The following SSBP2 variants were observed in gnomAD, a reference collection of about 807,000 sequenced individuals.
SSBP2 encodes single-stranded DNA-binding protein 2.
Under a neutral mutation model 61.8 loss-of-function variants are expected in SSBP2, and 17 were observed. The observed-to-expected ratio is 0.28, with a 90% CI of 0.19 to 0.41. The LOEUF (loss-of-function observed/expected upper bound fraction) is 0.41. SSBP2 is among the 10% of genes least tolerant of loss of function. The pLI is 1.00. For missense variants in SSBP2, 310 were observed against 458.7 expected (o/e 0.68, Z 2.96); for synonymous variants, 139 against 141.3 (o/e 0.98, Z 0.12).
At chr5:81,447,871 G>C (rs942427350) in intron 11 of SSBP2, 1 of 152,042 alleles carries the variant, frequency 6.6e-6, no homozygotes, top group African/African-American at 2.4e-5. Context: ...TTATTTCATA[G>C]AAAATGCAAA....
At chr5:81,545,473 A>C (rs1387412370) in intron 4 of SSBP2, among the ~76,000 whole-genome samples, 3 of 152,236 alleles carry the variant, frequency 2.0e-5, no homozygotes, top group African/African-American at 7.2e-5. Flanking sequence ...AGCAATAAAA[A>C]TAATTAGTTG....
chr5:81,597,320 A>C (rs1182739712), intron 4 of SSBP2, among the ~76,000 whole-genome samples: 8 of 152,220 alleles, frequency 5.3e-5, no homozygotes, highest in Admixed American at 2.0e-4. Flanking sequence ...ATACCATCTC[A>C]CACCAGTTAG....
chr5:81,503,264 C>A (rs529977707), intron 5 of SSBP2, among the ~76,000 whole-genome samples: 2 of 152,174 alleles, frequency 1.3e-5, no homozygotes, highest in East Asian at 3.9e-4. Flanking sequence ...ACCAACCTGG[C>A]CAACACAGTG....
At position 81,505,393 on chromosome 5, in the gene SSBP2, GTCTT is replaced by G. The variant is rs1474824060; in HGVS notation, c.372+8231_372+8234del. ...TAAGTTATTCTTTTAAAAAGCTAAA[GTCTT>G]TCTAATATATGCTTAAGACAAATCT... On this transcript the variant is annotated intron_variant, in intron 5 of 16. Coordinates refer to ENST00000320672, the MANE Select transcript of SSBP2 (RefSeq NM_012446.5). 3.3e-5 allele frequency among the ~76,000 whole-genome samples: 5 copies of G among 152,200 alleles called. No individual in the cohort carries two copies. The South Asian group carries it at 1.0e-3, about 32-fold the overall frequency.
intron 4 of SSBP2, among the ~76,000 whole-genome samples, chr5:81,576,196 T>C (rs1203734525): frequency 6.6e-6 from 1 of 152,052 alleles, no homozygotes; most frequent in East Asian, 1.9e-4. Context: ...TTCTTTTTTT[T>C]TTTTTGTCAT....
chr5:81,582,374 T>C (rs1412723452), intron 4 of SSBP2, among the ~76,000 whole-genome samples: 1 of 152,164 alleles, frequency 6.6e-6, no homozygotes, highest in Non-Finnish European at 1.5e-5. Context: ...TTCTCATAAA[T>C]TCACAAAAAG....
At chr5:81,604,269 T>C (rs1581147108) in intron 4 of SSBP2, among the ~76,000 whole-genome samples, 4 of 151,262 alleles carry the variant, frequency 2.6e-5, no homozygotes, top group South Asian at 2.1e-4. Flanking sequence ...TTTTTTTTTT[T>C]CTACAGTAGT....
chr5:81,564,311 G>C (rs1180088125), intron 4 of SSBP2, among the ~76,000 whole-genome samples: 2 of 152,156 alleles, frequency 1.3e-5, no homozygotes, highest in Non-Finnish European at 2.9e-5. Flanking sequence ...AAGGAAGGAG[G>C]AAGAACATGT....
intron 1 of SSBP2, among the ~76,000 whole-genome samples, chr5:81,711,546 T>C (rs912660553): frequency 6.6e-6 from 1 of 152,036 alleles, no homozygotes; most frequent in African/African-American, 2.4e-5. Flanking sequence ...GGGAAAGAAG[T>C]TGAGCCTTTT....
At chr5:81,583,666 T>C (rs1488597211) in intron 4 of SSBP2, among the ~76,000 whole-genome samples, 1 of 151,268 alleles carries the variant, frequency 6.6e-6, no homozygotes, top group Admixed American at 6.6e-5. Context: ...TTGAGACACA[T>C]TTCCCATCAG....
intron 10 of SSBP2, among the ~76,000 whole-genome samples, chr5:81,453,543 G>A (rs538728669): frequency 1.4e-5 from 2 of 145,676 alleles, no homozygotes; most frequent in East Asian, 2.0e-4. Context: ...TGCAGGCTCC[G>A]CCCCCCGGGT....
chr5:81,466,907 T>C (rs1212852316), intron 9 of SSBP2, 67 bp downstream of exon 9: 5 of 945,254 alleles, frequency 5.3e-6, no homozygotes, highest in South Asian at 2.2e-5. Context: ...TAGAATAATA[T>C]GGTATTATTT....
chr5:81,587,761 G>A (rs199779597), intron 4 of SSBP2, among the ~76,000 whole-genome samples: 229 of 129,468 alleles, frequency 1.8e-3, no homozygotes, highest in African/African-American at 5.1e-3. Flanking sequence ...ACACACGCGC[G>A]CGCACACACA....
At chr5:81,655,743 T>C (rs1750154796) in intron 1 of SSBP2, among the ~76,000 whole-genome samples, 1 of 152,186 alleles carries the variant, frequency 6.6e-6, no homozygotes, top group Admixed American at 6.5e-5. Context: ...GATACTAGAC[T>C]CACTGTCCCT....
chr5:81,603,242 G>C (rs1402946427), intron 4 of SSBP2, among the ~76,000 whole-genome samples: 1 of 152,200 alleles, frequency 6.6e-6, no homozygotes, highest in Non-Finnish European at 1.5e-5. Context: ...TCTCCACTCA[G>C]GTGGCTAGTG....
chr5:81,497,505 T>C (rs924167321), intron 5 of SSBP2, among the ~76,000 whole-genome samples: 2 of 152,160 alleles, frequency 1.3e-5, no homozygotes, highest in Non-Finnish European at 2.9e-5. Flanking sequence ...TTTGTCTTGT[T>C]AAAAATAGGC....
chr5:81,704,744 C>T (rs1022684375), intron 1 of SSBP2, among the ~76,000 whole-genome samples: 2 of 134,064 alleles, frequency 1.5e-5, no homozygotes, highest in East Asian at 2.3e-4. Context: ...TGCAGTGAGC[C>T]GAGATCACAC....
intron 3 of SSBP2, among the ~76,000 whole-genome samples, chr5:81,635,287 T>C (rs559220982): frequency 6.6e-6 from 1 of 152,302 alleles, no homozygotes; most frequent in Non-Finnish European, 1.5e-5. Context: ...CTATTTCTCA[T>C]GAATATGCTT....
intron 4 of SSBP2, among the ~76,000 whole-genome samples, chr5:81,537,471 A>G (rs886948584): frequency 1.3e-5 from 2 of 152,122 alleles, no homozygotes; most frequent in Non-Finnish European, 2.9e-5. Context: ...AAAACCCATC[A>G]TCACTGAATA....
Sources: allele counts gnomAD v4.1 joint callset (sites outside exome capture counted in the v4.1 genomes callset), GRCh38; gene constraint gnomAD v4.1.1; transcripts MANE v1.5; gene names NCBI Gene and HGNC (gene_info 2026-07-23, HGNC 2026-07-21).